Variants in VPS13B observed in about 807,000 individuals in gnomAD.
VPS13B encodes intermembrane lipid transfer protein VPS13B.
A neutral mutation model predicts 426.4 loss-of-function variants in VPS13B; 285 were observed. The ratio of observed to expected loss-of-function variants is 0.67; its 90% CI spans 0.61 to 0.74. VPS13B has a LOEUF of 0.74. VPS13B is among the 30% of genes least tolerant of loss of function. The pLI is 0.00. For synonymous variants in VPS13B, 1,676 were observed against 1,676.4 expected (o/e 1.00, Z 0.01); for missense variants, 4,537 against 4,782.6 (o/e 0.95, Z 1.51).
intron 25 of VPS13B, among the ~76,000 whole-genome samples, chr8:99,485,952 A>G (rs554465664): frequency 3.3e-5 from 5 of 152,170 alleles, no homozygotes; most frequent in East Asian, 1.9e-4. Flanking sequence ...AGTTTTTGTT[A>G]TATCTGCTGA....
At chr8:99,315,493 T>C (rs1809589722) in intron 19 of VPS13B, among the ~76,000 whole-genome samples, 2 of 152,118 alleles carry the variant, frequency 1.3e-5, no homozygotes. Context: ...CATTTGGTTC[T>C]TTTGTTTATC....
intron 43 of VPS13B, among the ~76,000 whole-genome samples, chr8:99,793,455 G>A (rs1002061378): frequency 6.6e-6 from 1 of 151,904 alleles, no homozygotes; most frequent in Non-Finnish European, 1.5e-5. Flanking sequence ...CTTCTCTTTA[G>A]ATACTATGGA....
chr8:99,484,666 G>T (rs1256601537), intron 25 of VPS13B, among the ~76,000 whole-genome samples: 1 of 152,016 alleles, frequency 6.6e-6, no homozygotes, highest in African/African-American at 2.4e-5. Flanking sequence ...AAACCCAGAT[G>T]CACACATAGT....
chr8:99,798,922 A>G (rs1003030380), intron 43 of VPS13B: 1 of 152,208 alleles, frequency 6.6e-6, no homozygotes, highest in East Asian at 1.9e-4. Flanking sequence ...GTATTTTGCC[A>G]TTTTTAAGTA....
intron 17 of VPS13B, among the ~76,000 whole-genome samples, chr8:99,217,462 T>C (rs1027320465): frequency 1.3e-5 from 2 of 152,232 alleles, no homozygotes; most frequent in African/African-American, 2.4e-5. Flanking sequence ...CTTTCAGAGC[T>C]CTGGCTATAT....
chr8:99,136,670 A>C lies in VPS13B; in HGVS notation c.1569A>C (p.Thr523=). The C allele has an allele frequency of 1.2e-6, 2 of 1,613,584 alleles. No individual in the cohort carries two copies. Among genetic ancestry groups the C allele is most frequent in the Non-Finnish European group, 1.7e-6 (2 of 1,179,606 alleles). ...TTGCATTGCTTTGTTGGCAGGAGAC[A>C]TACACTGAGATAGCTGGAATGCAAC... is the stretch of plus-strand genomic sequence containing the variant. The part of the protein sequence containing the change: ...FILDSTHHKE[T]YTEIAGMQRF... Residue 523 remains threonine (T), a synonymous_variant, in exon 12 of 62, where the codon ACA becomes ACC. Coordinates refer to ENST00000357162, the MANE Select transcript of VPS13B (RefSeq NM_152564.5).
chr8:99,605,708 G>A (rs1827535020), intron 33 of VPS13B, among the ~76,000 whole-genome samples: 1 of 152,182 alleles, frequency 6.6e-6, no homozygotes, highest in Non-Finnish European at 1.5e-5. Context: ...CTCTCTATCT[G>A]TGATAATTCC....
At chr8:99,075,285 C>T (rs1357288438) in intron 3 of VPS13B, among the ~76,000 whole-genome samples, 2 of 152,134 alleles carry the variant, frequency 1.3e-5, no homozygotes, top group Non-Finnish European at 2.9e-5. Context: ...CGGCATCTGC[C>T]TAGCTTCTGG....
At chr8:99,489,395 T>G (rs1449536236) in intron 25 of VPS13B, among the ~76,000 whole-genome samples, 3 of 152,124 alleles carry the variant, frequency 2.0e-5, no homozygotes, top group Non-Finnish European at 4.4e-5. Flanking sequence ...GGCTCTTTTT[T>G]GGTTCCATAT....
intron 23 of VPS13B, among the ~76,000 whole-genome samples, chr8:99,453,501 A>G (rs983459413): frequency 2.0e-5 from 3 of 152,184 alleles, no homozygotes; most frequent in African/African-American, 7.2e-5. Flanking sequence ...ATTGCTGTAG[A>G]CATTATTCTT....
chr8:99,271,207 T>A (rs529400037), intron 17 of VPS13B, among the ~76,000 whole-genome samples: 18 of 112,524 alleles, frequency 1.6e-4, no homozygotes, highest in African/African-American at 4.9e-4. Flanking sequence ...CTACTACTAC[T>A]ACTACTACTA....
At chr8:99,221,232 A>G (rs1815701996) in intron 17 of VPS13B, among the ~76,000 whole-genome samples, 1 of 143,628 alleles carries the variant, frequency 7.0e-6, no homozygotes, top group African/African-American at 2.6e-5. Context: ...TATTGTGAAT[A>G]GTGCCGCAAT....
intron 25 of VPS13B, among the ~76,000 whole-genome samples, chr8:99,499,119 G>A (rs1588440661): frequency 1.3e-5 from 2 of 152,204 alleles, no homozygotes; most frequent in East Asian, 1.9e-4. Flanking sequence ...CAACAAAATG[G>A]TAAAAGAATT....
chr8:99,351,540 G>C (rs1289367791), intron 19 of VPS13B, among the ~76,000 whole-genome samples: 1 of 151,584 alleles, frequency 6.6e-6, no homozygotes. Flanking sequence ...TCCCTTTTTA[G>C]TCTGGAAAAT....
At chr8:99,176,834 G>A (rs1176856133) in intron 16 of VPS13B, among the ~76,000 whole-genome samples, 1 of 152,188 alleles carries the variant, frequency 6.6e-6, no homozygotes. Flanking sequence ...TTAAAGCAAA[G>A]AGAAGATGAA....
chr8:99,107,703 CTGTAAATTA>C (rs1272785105), intron 5 of VPS13B, among the ~76,000 whole-genome samples: 5 of 152,054 alleles, frequency 3.3e-5, no homozygotes, highest in Admixed American at 2.6e-4. Context: ...TGTTTGAATT[CTGTAAATTA>C]TGATCAGGAA....
At chr8:99,571,684 A>G (rs906201625) in intron 31 of VPS13B, among the ~76,000 whole-genome samples, 9 of 152,150 alleles carry the variant, frequency 5.9e-5, no homozygotes, top group African/African-American at 1.9e-4. Flanking sequence ...GCACTCCCCT[A>G]TGAGAGCACA....
At chr8:99,431,779 A>C in intron 22 of VPS13B, 115 bp downstream of exon 22, 393 of 1,084,860 alleles carry the variant, frequency 3.6e-4, no homozygotes, top group Middle Eastern at 6.2e-4. Context: ...ATACCATCTC[A>C]TTTTCTTAAT....
At chr8:99,422,348 T>C (rs1159356799) in intron 21 of VPS13B, among the ~76,000 whole-genome samples, 1 of 152,180 alleles carries the variant, frequency 6.6e-6, no homozygotes, top group African/African-American at 2.4e-5. Flanking sequence ...TGTAGCTGTT[T>C]TGGTTAGTGG....
Sources: allele counts gnomAD v4.1 joint callset (sites outside exome capture counted in the v4.1 genomes callset), GRCh38; gene constraint gnomAD v4.1.1; transcripts MANE v1.5; gene names NCBI Gene and HGNC (gene_info 2026-07-23, HGNC 2026-07-21).